HPSE2: variants seen among roughly 807,000 people sequenced by gnomAD.
The protein encoded by HPSE2 is heparanase 2 (inactive).
Under a neutral mutation model 60.5 loss-of-function variants are expected in HPSE2, and 38 were observed. That is an observed-to-expected ratio of 0.63 (90% confidence interval 0.48 to 0.82). HPSE2 has a LOEUF of 0.82. Ranked by LOEUF, HPSE2 falls within the 40% of genes least tolerant of loss-of-function variation. The pLI is 0.00. For synonymous variants in HPSE2, 295 were observed against 293.2 expected (o/e 1.01, Z -0.06); for missense variants, 713 against 740.4 (o/e 0.96, Z 0.43).
At chr10:98,952,314 TTGTGTG>T (rs59116303) in intron 3 of HPSE2, among the ~76,000 whole-genome samples, 37,647 of 137,140 alleles carry the variant, frequency 0.27, 5,457 homozygotes, top group East Asian at 0.41. Context: ...AAGAATTTGT[TTGTGTG>T]TGTGTGTGTG....
At chr10:98,712,936 T>G (rs1313844858) in intron 5 of HPSE2, among the ~76,000 whole-genome samples, 3 of 152,112 alleles carry the variant, frequency 2.0e-5, no homozygotes, top group Non-Finnish European at 4.4e-5. Context: ...CTTGCCCTTA[T>G]GGAATTTATA....
intron 10 of HPSE2, among the ~76,000 whole-genome samples, chr10:98,484,394 C>G (rs927364354): frequency 3.9e-5 from 6 of 152,192 alleles, no homozygotes; most frequent in Admixed American, 3.9e-4. Context: ...TGCGCCACCA[C>G]GCCCAGCTAA....
chr10:98,602,267 A>G (rs1473807250), intron 9 of HPSE2, among the ~76,000 whole-genome samples: 3 of 152,144 alleles, frequency 2.0e-5, no homozygotes, highest in Non-Finnish European at 2.9e-5. Context: ...TATTTTGACA[A>G]TGGGATAGCA....
At chr10:98,881,186 T>C (rs994838072) in intron 3 of HPSE2, among the ~76,000 whole-genome samples, 3 of 152,080 alleles carry the variant, frequency 2.0e-5, no homozygotes, top group African/African-American at 7.2e-5. Context: ...GAATGATGAA[T>C]TCATAGAATT....
chr10:98,949,978 T>C (rs1955306513), intron 3 of HPSE2, among the ~76,000 whole-genome samples: 1 of 152,180 alleles, frequency 6.6e-6, no homozygotes. Flanking sequence ...TTTTCTTTAT[T>C]AAGTTAGGAA....
chr10:99,293,655 C>G, the HPSE2 span, among the ~76,000 whole-genome samples: 2 of 152,058 alleles, frequency 1.3e-5, no homozygotes, highest in African/African-American at 4.8e-5. Flanking sequence ...ACTGGCGAAG[C>G]TTTTCTTAAT....
At chr10:98,933,352 G>A (rs1484555566) in intron 3 of HPSE2, among the ~76,000 whole-genome samples, 1 of 143,758 alleles carries the variant, frequency 7.0e-6, no homozygotes, top group African/African-American at 2.8e-5. Flanking sequence ...TTCCTTTGCT[G>A]AGGAGTGTTT....
At chr10:99,103,701 A>G (rs964827273) in intron 3 of HPSE2, among the ~76,000 whole-genome samples, 2 of 152,182 alleles carry the variant, frequency 1.3e-5, no homozygotes, top group South Asian at 4.1e-4. Flanking sequence ...AAAGAACAAA[A>G]CTGGAGGCAT....
At chr10:98,483,199 T>TTTTGACAAATAAA (rs1222592470) in intron 10 of HPSE2, among the ~76,000 whole-genome samples, 32 of 152,206 alleles carry the variant, frequency 2.1e-4, no homozygotes, top group African/African-American at 7.2e-4. Context: ...TTTTAGTTTA[T>TTTTGACAAATAAA]TAATTTGACA....
chr10:98,990,602 G>C (rs1956499855), intron 3 of HPSE2, among the ~76,000 whole-genome samples: 1 of 152,132 alleles, frequency 6.6e-6, no homozygotes, highest in South Asian at 2.1e-4. Flanking sequence ...GCTAAACAAT[G>C]GTCTTTACCA....
chr10:98,855,668 T>C (rs1952296385), intron 3 of HPSE2, among the ~76,000 whole-genome samples: 1 of 152,030 alleles, frequency 6.6e-6, no homozygotes, highest in Admixed American at 6.5e-5. Flanking sequence ...GAAACAAAAA[T>C]GACTGACGAG....
intron 6 of HPSE2, among the ~76,000 whole-genome samples, chr10:98,651,731 C>T (rs777741913): frequency 3.3e-5 from 5 of 150,408 alleles, no homozygotes; most frequent in Non-Finnish European, 5.9e-5. Flanking sequence ...ATTTTGAAGT[C>T]ATGTTAAGTA....
At chr10:99,196,504 C>T (rs1848403145) in intron 2 of HPSE2, among the ~76,000 whole-genome samples, 1 of 151,910 alleles carries the variant, frequency 6.6e-6, no homozygotes, top group African/African-American at 2.4e-5. Context: ...CCCAAACAAA[C>T]TCTATAGGAA....
At chr10:98,521,605 AC>A (rs1942794669) in intron 9 of HPSE2, among the ~76,000 whole-genome samples, 1 of 152,166 alleles carries the variant, frequency 6.6e-6, no homozygotes, top group African/African-American at 2.4e-5. Context: ...AACTAGAAAT[AC>A]CATTTGACCC....
intron 9 of HPSE2, among the ~76,000 whole-genome samples, chr10:98,600,929 A>ATG (rs1170865927): frequency 1.4e-5 from 1 of 70,548 alleles, no homozygotes; most frequent in South Asian, 7.2e-4. Flanking sequence ...ATATATATAT[A>ATG]TATATATATA....
chr10:98,915,806 A>C (rs898315262), intron 3 of HPSE2, among the ~76,000 whole-genome samples: 1 of 152,240 alleles, frequency 6.6e-6, no homozygotes, highest in African/African-American at 2.4e-5. Flanking sequence ...TGAAACTTTC[A>C]GAGAAATGGG....
the HPSE2 span, among the ~76,000 whole-genome samples, chr10:99,258,772 A>AG: frequency 6.6e-6 from 1 of 152,226 alleles, no homozygotes; most frequent in East Asian, 1.9e-4. Flanking sequence ...CAATAAAGAA[A>AG]GGGTTGCCTT....
At chr10:99,218,054 G>A (rs1849193399) in intron 2 of HPSE2, among the ~76,000 whole-genome samples, 1 of 151,926 alleles carries the variant, frequency 6.6e-6, no homozygotes, top group African/African-American at 2.4e-5. Context: ...TCCAGTACTT[G>A]TAACATTTAA....
intron 3 of HPSE2, among the ~76,000 whole-genome samples, chr10:98,812,542 C>T (rs879831240): frequency 2.0e-5 from 3 of 152,170 alleles, no homozygotes; most frequent in Middle Eastern, 3.4e-3. Context: ...GCAGCACTGC[C>T]CAGAAAAGCA....
Sources: allele counts gnomAD v4.1 joint callset (sites outside exome capture counted in the v4.1 genomes callset), GRCh38; gene constraint gnomAD v4.1.1; transcripts MANE v1.5; gene names NCBI Gene and HGNC (gene_info 2026-07-23, HGNC 2026-07-21).